The following ALG10 variants were observed in gnomAD, a reference collection of about 807,000 sequenced individuals.
The protein encoded by ALG10 is dol-P-Glc:Glc(2)Man(9)GlcNAc(2)-PP-Dol alpha-1,2-glucosyltransferase A.
In ALG10, 25 loss-of-function variants were observed where a neutral mutation model predicts 39.2. The observed-to-expected ratio is 0.64, with a 90% confidence interval of 0.46 to 0.89. ALG10 has a LOEUF of 0.89. Among genes scored for constraint, ALG10 ranks in the 40% least tolerant of loss-of-function variants. The probability of loss-of-function intolerance (pLI) is 0.00; values close to 1 mark genes in which losing one functional copy is unlikely to be tolerated. For synonymous variants in ALG10, 184 were observed against 193.9 expected (o/e 0.95, Z 0.42); for missense variants, 486 against 546.6 (o/e 0.89, Z 1.11).
rs1347272436 is a variant in ALG10 at position 34,024,111 on chromosome 12, C to T, written c.321C>T (p.Asn107=). ...RFVNLLFSVG[N]FYLLYLLFCK... is the part of the protein sequence containing the mutation. Reference sequence around the variant, plus strand: ...TTAATCTTCTCTTCAGTGTTGGCAACTTCTATTTACTATATTTGCTTTTCT... The same window carrying T: ...TTAATCTTCTCTTCAGTGTTGGCAATTTCTATTTACTATATTTGCTTTTCT... The change falls in exon 2 of 3, where the codon AAC becomes AAT. Residue 107 remains asparagine, a synonymous_variant. Coordinates refer to ENST00000266483, the MANE Select transcript of ALG10 (RefSeq NM_032834.4). 6.2e-7 allele frequency: 1 copy of T among 1,614,106 alleles called. No homozygotes were observed. The highest frequency in any genetic ancestry group is 1.1e-5 in the South Asian group (1 of 91,080).
Position 34,023,961 on chromosome 12 carries a change from G to A in ALG10, c.172-1G>A. On this transcript the variant is annotated splice_acceptor_variant, in intron 1 of 2. Transcript: ENST00000266483. LOFTEE classifies it high-confidence loss of function. Reference sequence around the variant, plus strand: ...TTACTTCATTTTCTTTCATTTTAAAGTGGGATCCCATGATTACTACATTAC... The same window carrying A: ...TTACTTCATTTTCTTTCATTTTAAAATGGGATCCCATGATTACTACATTAC... 1 of 1,613,932 alleles carries A rather than the reference G, an allele frequency of 6.2e-7. No individual in the cohort carries two copies. Among genetic ancestry groups the A allele is most frequent in the South Asian group, 1.1e-5 (1 of 91,070 alleles).
At position 34,026,974 on chromosome 12, in the gene ALG10, A is replaced by G; in HGVS notation, c.*59A>G. On this transcript the variant is annotated 3_prime_UTR_variant, in exon 3 of 3. Coordinates refer to ENST00000266483, the MANE Select transcript of ALG10 (RefSeq NM_032834.4). ...TAATAATTAGACCATTTCTACAAAG[A>G]ACAACTGAATAGGTGGAAAACATGG... 6.4e-7 allele frequency: 1 copy of G among 1,564,552 alleles called. No homozygotes were observed. The highest frequency in any genetic ancestry group is 1.8e-5 in the Admixed American group (1 of 56,152).
rs1480001631 is a variant in ALG10, at chr12:34,026,708, T to C, written c.1215T>C (p.Thr405=). The change falls in exon 3 of 3, where the codon ACT becomes ACC. Residue 405 remains threonine (T), a synonymous_variant. Transcript: ENST00000266483. Reference sequence around the variant, plus strand: ...TAATGTTTTTCATATGCTTGTTCACTGTTATAGTTCCTCAGAAACTGCTGG... The same window carrying C: ...TAATGTTTTTCATATGCTTGTTCACCGTTATAGTTCCTCAGAAACTGCTGG... ...WNLMFFICLF[T]VIVPQKLLEF... The C allele has an allele frequency of 2.9e-5, 47 of 1,613,922 alleles. No individual in the cohort carries two copies. Among genetic ancestry groups the C allele is most frequent in the Non-Finnish European group, 3.9e-5 (46 of 1,179,874 alleles).
chr12:34,023,861 A>G lies in ALG10; in HGVS notation c.172-101A>G, dbSNP rs7308242. The G allele has an allele frequency of 6.5e-3, 9,457 of 1,449,482 alleles. 359 individuals are homozygous for G. The African/African-American group carries it at 0.093, about 14-fold the overall frequency. 89.8% of individuals were successfully genotyped at this position (1,449,482 alleles called of 1,614,324 possible). A position where few individuals can be genotyped will look rare whatever the true frequency, so the allele number is the denominator to read the frequency against. ...TCTTGTCATAGAATAACTTCTCAAA[A>G]TTTCTGATTGTTGCTGGAGATGAGA... On this transcript the variant is annotated intron_variant, in intron 1 of 2. Transcript: ENST00000266483.
intron 2 of ALG10, among the ~76,000 whole-genome samples, chr12:34,024,390 T>A (rs1334032563): frequency 6.7e-6 from 1 of 149,490 alleles, no homozygotes; most frequent in Non-Finnish European, 1.5e-5. Context: ...GTTAAGTGAG[T>A]CAAACCAGTT....
At chr12:34,023,053 TGTC>T in intron 1 of ALG10, 1 of 442,856 alleles carries the variant, frequency 2.3e-6, no homozygotes, top group South Asian at 3.5e-5. Flanking sequence ...GATCCCACTT[TGTC>T]TTTCCTTGTT....
Position 34,022,633 on chromosome 12 carries a change from G to A in ALG10, c.34G>A (p.Ala12Thr), listed in dbSNP as rs369163100. ...GCTGGAAGGTTACTATTTCTCGGCC[G>A]CCTTGAGCTGTACCTTTTTAGTATC... ...AQLEGYYFSA[A>T]LSCTFLVSCL... Residue 12 changes from alanine to threonine, a missense_variant, in exon 1 of 3, where the codon GCC becomes ACC. Ala to Thr is a moderately conservative substitution (Grantham distance 58, BLOSUM62 0). Coordinates refer to ENST00000266483, the MANE Select transcript of ALG10 (RefSeq NM_032834.4). The A allele has an allele frequency of 3.9e-5, 63 of 1,614,008 alleles. No homozygotes were observed. The highest frequency in any genetic ancestry group is 5.3e-5 in the Non-Finnish European group (62 of 1,180,012).
At position 34,026,295 on chromosome 12, in the gene ALG10, G is replaced by A. The variant is rs1165713335; in HGVS notation, c.802G>A (p.Val268Ile). Residue 268 changes from valine (V) to isoleucine (I), a missense_variant, in exon 3 of 3, where the codon GTA (valine) becomes ATA (isoleucine). Transcript: ENST00000266483. ...ILLGFLFCAFVVVNGGIVIGD... is the reference protein window; with the variant it reads ...ILLGFLFCAFIVVNGGIVIGD... ...TCTGGGATTTCTGTTTTGTGCTTTT[G>A]TAGTAGTTAATGGTGGAATTGTTAT... is the stretch of plus-strand genomic sequence containing the variant. 32 of 1,613,976 alleles carry A rather than the reference G, an allele frequency of 2.0e-5. No homozygotes were observed. Among genetic ancestry groups the A allele is most frequent in the Non-Finnish European group, 2.6e-5 (31 of 1,179,984 alleles).
At chr12:34,025,792 T>C in intron 2 of ALG10, 71 bp from the exon 3 acceptor site, 2 of 1,565,808 alleles carry the variant, frequency 1.3e-6, no homozygotes, top group Non-Finnish European at 1.7e-6. Flanking sequence ...AATAAATTTC[T>C]TCATTAGGTA....
chr12:34,026,086 G>T lies in ALG10; in HGVS notation c.593G>T (p.Gly198Val). The part of the protein sequence containing the change: ...TNIIWAVFCA[G>V]NVIAQKLTEA... Reference sequence around the variant, plus strand: ...ATCATCTGGGCTGTCTTCTGTGCAGGAAATGTCATTGCACAAAAGTTAACG... The same window carrying T: ...ATCATCTGGGCTGTCTTCTGTGCAGTAAATGTCATTGCACAAAAGTTAACG... Residue 198 changes from glycine to valine, a missense_variant, in exon 3 of 3, where the codon GGA becomes GTA. Transcript: ENST00000266483. 1 of 1,614,070 alleles carries T rather than the reference G, an allele frequency of 6.2e-7. No individual in the cohort carries two copies. The highest frequency in any genetic ancestry group is 8.5e-7 in the Non-Finnish European group (1 of 1,179,958).
chr12:34,022,751 G>A lies in ALG10; in HGVS notation c.152G>A (p.Gly51Asp). 6.2e-7 allele frequency: 1 copy of A among 1,614,092 alleles called. No homozygotes were observed. The highest frequency in any genetic ancestry group is 2.2e-5 in the East Asian group (1 of 44,862). The part of the protein sequence containing the change: ...HLPQAQRYCE[G>D]HFSLSQWDPM... The stretch of plus-strand genomic sequence containing the variant: ...CCTCAGGCGCAGCGCTACTGTGAGG[G>A]CCATTTCTCCCTTTCCCAGGTGGGG... Residue 51 changes from glycine to aspartate, a missense_variant, in exon 1 of 3, where the codon GGC becomes GAC. Gly to Asp is a moderately conservative substitution (Grantham distance 94). Transcript: ENST00000266483.
chr12:34,024,961 G>A (rs1482484432), intron 2 of ALG10, among the ~76,000 whole-genome samples: 2 of 148,524 alleles, frequency 1.3e-5, no homozygotes, highest in Non-Finnish European at 1.5e-5. Flanking sequence ...CTTGATGAAC[G>A]GATAGGGCTG....
Position 34,026,995 on chromosome 12 carries a change from C to T in ALG10, c.*80C>T. The T allele has an allele frequency of 1.4e-6, 2 of 1,480,620 alleles. No homozygotes were observed. The highest frequency in any genetic ancestry group is 1.8e-6 in the Non-Finnish European group (2 of 1,095,160). The allele number at this position is 1,480,620 out of a possible 1,614,324, so 91.7% of individuals were successfully genotyped here. A position where few individuals can be genotyped will look rare whatever the true frequency, so the allele number is the denominator to read the frequency against. ...AAAGAACAACTGAATAGGTGGAAAA[C>T]ATGGAATTTCTTTTAGGTGCAGTGG... On this transcript the variant is annotated 3_prime_UTR_variant, in exon 3 of 3. Coordinates refer to ENST00000266483, the MANE Select transcript of ALG10 (RefSeq NM_032834.4).
rs185527282 is a variant in ALG10 at position 34,023,582 on chromosome 12, T to C, written c.172-380T>C. 218 of 322,832 alleles carry C rather than the reference T, an allele frequency of 6.8e-4. 2 individuals carry two copies. The highest frequency in any genetic ancestry group is 4.2e-3 in the African/African-American group (194 of 46,530). The allele number at this position is 322,832 out of a possible 1,614,324, so 20.0% of individuals were successfully genotyped here. ...AATTTCTGTCTCAGTTTATGTTAGCTGTCATCATGGAGCCTGTGGTCCAAA... is the reference window on the plus strand; with the variant it reads ...AATTTCTGTCTCAGTTTATGTTAGCCGTCATCATGGAGCCTGTGGTCCAAA... On this transcript the variant is annotated intron_variant, in intron 1 of 2. Coordinates refer to ENST00000266483, the MANE Select transcript of ALG10 (RefSeq NM_032834.4).
At chr12:34,022,830 G>A in intron 1 of ALG10, 60 bp downstream of exon 1, 1 of 1,609,650 alleles carries the variant, frequency 6.2e-7, no homozygotes, top group South Asian at 1.1e-5. Context: ...GCGTCCCCAC[G>A]TCCTCCCATC....
intron 2 of ALG10, among the ~76,000 whole-genome samples, chr12:34,025,580 T>G (rs1221629006): frequency 6.6e-6 from 1 of 152,138 alleles, no homozygotes; most frequent in East Asian, 1.9e-4. Flanking sequence ...ACTCAATAAC[T>G]CCTTAACTAA....
At position 34,026,320 on chromosome 12, in the gene ALG10, T is replaced by C. The variant is rs769540605; in HGVS notation, c.827T>C (p.Ile276Thr). 9 of 1,614,144 alleles carry C rather than the reference T, an allele frequency of 5.6e-6. No homozygotes were observed. Among genetic ancestry groups the C allele is most frequent in the African/African-American group, 5.3e-5 (4 of 75,068 alleles). The change falls in exon 3 of 3, where the codon ATT becomes ACT. Residue 276 changes from isoleucine to threonine, a missense_variant. Ile to Thr is a moderately conservative substitution (Grantham distance 89). Transcript: ENST00000266483. ...GTAGTAGTTAATGGTGGAATTGTTA[T>C]TGGCGATCGGAGTAGTCATGAAGCC... The part of the protein sequence containing the change: ...AFVVVNGGIV[I>T]GDRSSHEACL...
At chr12:34,025,749 T>G (rs1942823596) in intron 2 of ALG10, 114 bp from the exon 3 acceptor site, 1 of 1,283,694 alleles carries the variant, frequency 7.8e-7, no homozygotes, top group Non-Finnish European at 1.1e-6. Context: ...TTAATTTTAT[T>G]TAAAGAAGGT....
chr12:34,022,578 G>A lies in ALG10; in HGVS notation c.-22G>A. ...AGAATTTTCCAGGAGTAGGTTCTTG[G>A]GCAGTGGCTGTGGGAGCTGGAATGG... On this transcript the variant is annotated 5_prime_UTR_variant, in exon 1 of 3. Coordinates refer to ENST00000266483, the MANE Select transcript of ALG10 (RefSeq NM_032834.4). 5.6e-6 allele frequency: 9 copies of A among 1,613,988 alleles called. No homozygotes were observed. Among genetic ancestry groups the A allele is most frequent in the Non-Finnish European group, 7.6e-6 (9 of 1,179,942 alleles).
Sources: allele counts gnomAD v4.1 joint callset (sites outside exome capture counted in the v4.1 genomes callset), GRCh38; gene constraint gnomAD v4.1.1; transcripts MANE v1.5; gene names NCBI Gene and HGNC (gene_info 2026-07-23, HGNC 2026-07-21).